The following CALN1 variants were observed in gnomAD, a reference collection of about 807,000 sequenced individuals.
CALN1 encodes calcium-binding protein 8.
A neutral mutation model predicts 30.6 loss-of-function variants in CALN1; 17 were observed. That is an observed-to-expected ratio of 0.56 (90% CI 0.38 to 0.83). The LOEUF (loss-of-function observed/expected upper bound fraction) is 0.83. Among genes scored for constraint, CALN1 ranks in the 40% least tolerant of loss-of-function variants. CALN1 has a pLI of 0.00. For synonymous variants in CALN1, 156 were observed against 131.4 expected (o/e 1.19, Z -1.28); for missense variants, 291 against 354.9 (o/e 0.82, Z 1.45).
chr7:72,117,592 T>C (rs373833498), intron 3 of CALN1, among the ~76,000 whole-genome samples: 2 of 152,132 alleles, frequency 1.3e-5, no homozygotes, highest in South Asian at 2.1e-4. Context: ...GGGGGTCCCT[T>C]TGGCCCAAAC....
chr7:72,081,067 T>C (rs554497290), intron 4 of CALN1, among the ~76,000 whole-genome samples: 98 of 152,232 alleles, frequency 6.4e-4, no homozygotes, highest in African/African-American at 2.0e-3. Context: ...CTTTTCGCAA[T>C]TGATCATGTC....
At chr7:72,276,954 C>A (rs1401793773) in intron 3 of CALN1, among the ~76,000 whole-genome samples, 2 of 152,226 alleles carry the variant, frequency 1.3e-5, no homozygotes, top group Admixed American at 6.5e-5. Context: ...AAAGTGACAT[C>A]TATGAATCAG....
intron 3 of CALN1, among the ~76,000 whole-genome samples, chr7:72,154,337 C>T (rs545620453): frequency 1.3e-5 from 2 of 152,228 alleles, no homozygotes; most frequent in South Asian, 2.1e-4. Context: ...TCTCAAAGCT[C>T]GCCATCTACA....
At chr7:72,448,829 A>G (rs867723238), upstream of CALN1, among the ~76,000 whole-genome samples, 13 of 151,608 alleles carry the variant, frequency 8.6e-5, no homozygotes, top group South Asian at 1.7e-3. Flanking sequence ...CTGGTCTCAA[A>G]CTCCTGACCT....
chr7:72,270,138 GA>G (rs1036776271), intron 3 of CALN1, among the ~76,000 whole-genome samples: 2 of 151,546 alleles, frequency 1.3e-5, no homozygotes, highest in Non-Finnish European at 2.9e-5. Context: ...TTGAGAGAGA[GA>G]AAAAAACCCT....
chr7:71,917,408 ATTG>A (rs983324079), intron 5 of CALN1, among the ~76,000 whole-genome samples: 7 of 152,210 alleles, frequency 4.6e-5, no homozygotes, highest in African/African-American at 1.7e-4. Flanking sequence ...ATGAGAGCAG[ATTG>A]TTAAGTATCC....
At chr7:72,079,991 G>C (rs35182926) in intron 4 of CALN1, among the ~76,000 whole-genome samples, 11,209 of 151,764 alleles carry the variant, frequency 0.074, 517 homozygotes, top group South Asian at 0.14. Context: ...GGCTGGTCTC[G>C]AACTCCTAAC....
intron 3 of CALN1, among the ~76,000 whole-genome samples, chr7:72,206,256 G>A (rs1791876136): frequency 6.6e-6 from 1 of 152,188 alleles, no homozygotes; most frequent in Non-Finnish European, 1.5e-5. Context: ...CATTGGATTT[G>A]TTTTGGCCTC....
intron 5 of CALN1, among the ~76,000 whole-genome samples, chr7:71,971,957 G>GAAAGAAAGAAAGAAAA (rs1797844489): frequency 1.9e-5 from 1 of 53,224 alleles, no homozygotes; most frequent in African/African-American, 6.9e-5. Context: ...AAAAAAAAAA[G>GAAAGAAAGAAAGAAAA]AAAGAAAGAA....
intron 3 of CALN1, among the ~76,000 whole-genome samples, chr7:72,238,615 G>A (rs1319640316): frequency 6.6e-6 from 1 of 151,926 alleles, no homozygotes; most frequent in Non-Finnish European, 1.5e-5. Context: ...CACAGGGAGG[G>A]TTAGCTCCAT....
chr7:72,088,702 A>G (rs1365456591), intron 4 of CALN1, among the ~76,000 whole-genome samples: 3 of 83,194 alleles, frequency 3.6e-5, no homozygotes, highest in Admixed American at 2.7e-4. Context: ...CCATCTCAAG[A>G]AAAAAAAAAA....
intron 5 of CALN1, among the ~76,000 whole-genome samples, chr7:71,945,593 C>T (rs917984043): frequency 2.0e-5 from 3 of 152,184 alleles, no homozygotes; most frequent in African/African-American, 7.2e-5. Context: ...ATTAGATTCT[C>T]ATAGGTGCTC....
chr7:72,396,007 A>G (rs1805913261), intron 2 of CALN1, among the ~76,000 whole-genome samples: 2 of 151,902 alleles, frequency 1.3e-5, no homozygotes, highest in Non-Finnish European at 2.9e-5. Context: ...CCATTGCTTG[A>G]CATCGCTCCT....
At chr7:71,809,691 GC>G (rs1428802243) in intron 6 of CALN1, among the ~76,000 whole-genome samples, 2 of 151,698 alleles carry the variant, frequency 1.3e-5, no homozygotes, top group Non-Finnish European at 2.9e-5. Context: ...GATTCAGTAG[GC>G]TCTCTTTTTT....
chr7:72,034,849 G>A (rs1302571849), intron 4 of CALN1, among the ~76,000 whole-genome samples: 2 of 133,460 alleles, frequency 1.5e-5, no homozygotes, highest in Admixed American at 1.5e-4. Context: ...AGATCCCTAA[G>A]ATCTTCAAGA....
intron 2 of CALN1, among the ~76,000 whole-genome samples, chr7:72,292,894 G>A (rs147647756): frequency 6.6e-6 from 1 of 151,926 alleles, no homozygotes; most frequent in African/African-American, 2.4e-5. Context: ...AGGGGGCTGG[G>A]AAACCGGAGT....
intron 2 of CALN1, among the ~76,000 whole-genome samples, chr7:72,285,271 G>A (rs1354290634): frequency 6.6e-6 from 1 of 152,134 alleles, no homozygotes; most frequent in Admixed American, 6.5e-5. Flanking sequence ...TTGAGATGGA[G>A]TCTTGCTCTG....
intron 2 of CALN1, among the ~76,000 whole-genome samples, chr7:72,353,023 T>A (rs763682536): frequency 4.6e-5 from 7 of 152,202 alleles, no homozygotes; most frequent in Admixed American, 1.3e-4. Flanking sequence ...AAACACAAAT[T>A]ACCAAAATAG....
intron 2 of CALN1, among the ~76,000 whole-genome samples, chr7:72,368,127 A>T (rs1803983717): frequency 6.6e-6 from 1 of 151,774 alleles, no homozygotes; most frequent in Non-Finnish European, 1.5e-5. Flanking sequence ...GTCTCAAAAA[A>T]TACATATCTG....
Sources: allele counts gnomAD v4.1 joint callset (sites outside exome capture counted in the v4.1 genomes callset), GRCh38; gene constraint gnomAD v4.1.1; transcripts MANE v1.5; gene names NCBI Gene and HGNC (gene_info 2026-07-23, HGNC 2026-07-21).